Variants in EPM2A observed in about 807,000 individuals in gnomAD.
The protein encoded by EPM2A is laforin.
Under a neutral mutation model 26.5 loss-of-function variants are expected in EPM2A, and 21 were observed. That is an observed-to-expected ratio of 0.79 (90% CI 0.56 to 1.14). EPM2A has a LOEUF of 1.14. Among genes scored for constraint, EPM2A ranks in the 50% most tolerant of loss-of-function variants. EPM2A has a pLI of 0.00. For missense variants in EPM2A, 458 were observed against 440.8 expected (o/e 1.04, Z -0.35); for synonymous variants, 217 against 177.6 (o/e 1.22, Z -1.76).
At chr6:145,710,602 C>A (rs868206789) in intron 1 of EPM2A, among the ~76,000 whole-genome samples, 87 of 152,082 alleles carry the variant, frequency 5.7e-4, no homozygotes, top group Admixed American at 1.6e-3. Flanking sequence ...ACCATTTGAC[C>A]CAGCCCTCCC....
chr6:145,424,039 A>G (rs1356235450), intron 4 of EPM2A, among the ~76,000 whole-genome samples: 1 of 152,182 alleles, frequency 6.6e-6, no homozygotes, highest in Non-Finnish European at 1.5e-5. Context: ...AGTACTGCCT[A>G]AACTAAGTGA....
At chr6:145,613,782 A>G (rs1775447644) in intron 2 of EPM2A, among the ~76,000 whole-genome samples, 1 of 152,204 alleles carries the variant, frequency 6.6e-6, no homozygotes, top group African/African-American at 2.4e-5. Context: ...CCATATTGTA[A>G]AGAGATGTAC....
In EPM2A at chr6:145,512,897, C is replaced by T. The variant is rs192932961; in HGVS notation, c.341-10322G>A. 1.9e-3 allele frequency among the ~76,000 whole-genome samples: 295 copies of T among 151,922 alleles called. 2 individuals are homozygous for T. Among genetic ancestry groups the T allele is most frequent in the African/African-American group, 6.2e-3 (256 of 41,436 alleles). On this transcript the variant is annotated intron_variant, in intron 2 of 3. Transcript: ENST00000450221. Reference sequence around the variant, plus strand: ...AATAAAACTGGACCACTATCTCTCACCATATACAAAAATTAACTCAAGATG... The same window carrying T: ...AATAAAACTGGACCACTATCTCTCATCATATACAAAAATTAACTCAAGATG...
At chr6:145,570,064 T>G (rs1026132596) in intron 2 of EPM2A, among the ~76,000 whole-genome samples, 4 of 152,144 alleles carry the variant, frequency 2.6e-5, no homozygotes, top group African/African-American at 7.2e-5. Context: ...TTCATATTTT[T>G]CTGCCTGCTT....
At chr6:145,651,953 C>G (rs1452908529) in intron 2 of EPM2A, among the ~76,000 whole-genome samples, 1 of 152,076 alleles carries the variant, frequency 6.6e-6, no homozygotes, top group Non-Finnish European at 1.5e-5. Context: ...TTAAGGTAGG[C>G]AACTGGCATG....
At chr6:145,603,272 T>C (rs1781439681) in intron 2 of EPM2A, among the ~76,000 whole-genome samples, 1 of 124,398 alleles carries the variant, frequency 8.0e-6, no homozygotes, top group South Asian at 2.6e-4. Flanking sequence ...ATCTGTTATC[T>C]CTAAATTAAA....
chr6:145,587,183 A>C (rs1005251119), intron 2 of EPM2A, among the ~76,000 whole-genome samples: 3 of 152,210 alleles, frequency 2.0e-5, no homozygotes, highest in East Asian at 1.9e-4. Context: ...GTAATAACAT[A>C]ATATAACAGA....
chr6:145,532,625 T>C (rs1187598177), intron 2 of EPM2A, among the ~76,000 whole-genome samples: 1 of 152,150 alleles, frequency 6.6e-6, no homozygotes, highest in African/African-American at 2.4e-5. Flanking sequence ...TTTACAGCAC[T>C]CTCCTTGGAG....
Position 145,625,862 on chromosome 6 carries a change from G to C in EPM2A, c.*1554C>G. ...AAGAGTCTCTTGCATCTATCAATATGTGTTTGTGGAAGAAAGGAAGGTGCA... is the reference window on the plus strand; with the variant it reads ...AAGAGTCTCTTGCATCTATCAATATCTGTTTGTGGAAGAAAGGAAGGTGCA... On this transcript the variant is annotated 3_prime_UTR_variant, in exon 4 of 4. Transcript: ENST00000367519. 1 of 1,508,302 alleles carries C rather than the reference G, an allele frequency of 6.6e-7. No homozygotes were observed. The highest frequency in any genetic ancestry group is 8.9e-7 in the Non-Finnish European group (1 of 1,125,146). 93.4% of individuals were successfully genotyped at this position (1,508,302 alleles called of 1,614,324 possible).
chr6:145,553,466 C>A (rs1032424138), intron 2 of EPM2A, among the ~76,000 whole-genome samples: 1 of 152,048 alleles, frequency 6.6e-6, no homozygotes, highest in Non-Finnish European at 1.5e-5. Context: ...TTAATTAGGG[C>A]AGGGGATGGA....
intron 2 of EPM2A, among the ~76,000 whole-genome samples, chr6:145,542,688 T>C (rs1164772916): frequency 1.3e-5 from 2 of 152,180 alleles, no homozygotes; most frequent in Non-Finnish European, 2.9e-5. Flanking sequence ...TTGGATTCTT[T>C]AGTCTATGAT....
chr6:145,512,496 G>A (rs992388373), intron 2 of EPM2A, among the ~76,000 whole-genome samples: 1 of 151,834 alleles, frequency 6.6e-6, no homozygotes, highest in Non-Finnish European at 1.5e-5. Flanking sequence ...GGTGGACCAT[G>A]AGGTCAGGAG....
At chr6:145,709,566 G>A (rs1298879538) in intron 1 of EPM2A, among the ~76,000 whole-genome samples, 2 of 152,160 alleles carry the variant, frequency 1.3e-5, no homozygotes, top group African/African-American at 4.8e-5. Context: ...GGAACTGTGA[G>A]TCAATAAAAG....
chr6:145,431,471 C>T (rs1168526948), intron 4 of EPM2A, among the ~76,000 whole-genome samples: 1 of 152,140 alleles, frequency 6.6e-6, no homozygotes, highest in Non-Finnish European at 1.5e-5. Context: ...ATAAAGTGAG[C>T]CACATAATTT....
intron 4 of EPM2A, among the ~76,000 whole-genome samples, chr6:145,484,744 G>A (rs947545003): frequency 4.0e-5 from 6 of 151,630 alleles, no homozygotes; most frequent in East Asian, 3.9e-4. Context: ...TTGAATCATC[G>A]TATCTCAGGT....
At chr6:145,476,535 A>C (rs916971228) in intron 4 of EPM2A, among the ~76,000 whole-genome samples, 7 of 152,102 alleles carry the variant, frequency 4.6e-5, no homozygotes, top group African/African-American at 1.7e-4. Flanking sequence ...ATTCTCAAGA[A>C]CAGACCATAT....
chr6:145,515,838 G>A (rs1432299622), intron 2 of EPM2A, among the ~76,000 whole-genome samples: 1 of 152,174 alleles, frequency 6.6e-6, no homozygotes, highest in African/African-American at 2.4e-5. Flanking sequence ...CCTTGCGAAA[G>A]GATCCAAAGA....
In EPM2A at chr6:145,550,343, C is replaced by T. The variant is rs78604439; in HGVS notation, c.341-47768G>A. Among the ~76,000 whole-genome samples the T allele has an allele frequency of 4.9e-3, 752 of 152,088 alleles. 6 individuals are homozygous for T. Among genetic ancestry groups the T allele is most frequent in the African/African-American group, 0.015 (619 of 41,526 alleles). On this transcript the variant is annotated intron_variant, in intron 2 of 3. Transcript: ENST00000450221. ...TACTCTCCTTTAAGTAGCCTATATC[C>T]TTCCTCCCCTCTCTCCTATGAAAAG...
intron 4 of EPM2A, among the ~76,000 whole-genome samples, chr6:145,462,881 T>C (rs1377093168): frequency 6.6e-6 from 1 of 152,160 alleles, no homozygotes; most frequent in Non-Finnish European, 1.5e-5. Context: ...TAAATGTACG[T>C]AGTATGGCAA....
Sources: allele counts gnomAD v4.1 joint callset (sites outside exome capture counted in the v4.1 genomes callset), GRCh38; gene constraint gnomAD v4.1.1; transcripts MANE v1.5; gene names NCBI Gene and HGNC (gene_info 2026-07-23, HGNC 2026-07-21).